Variants in ARHGEF11 observed in about 807,000 individuals in gnomAD.
The protein encoded by ARHGEF11 is Rho guanine exchange factor (GEF) 11.
ARHGEF11 carries 55 observed loss-of-function variants against 193.7 expected under a neutral mutation model. The observed-to-expected ratio is 0.28, with a 90% CI of 0.23 to 0.36. The LOEUF (loss-of-function observed/expected upper bound fraction) is 0.36. ARHGEF11 is among the 10% of genes least tolerant of loss of function. The pLI, the probability that ARHGEF11 is intolerant of heterozygous loss-of-function variation, is 1.00. For missense variants in ARHGEF11, 1,723 were observed against 2,005.6 expected (o/e 0.86, Z 2.69); for synonymous variants, 693 against 768.0 (o/e 0.90, Z 1.62).
chr1:157,046,373 C>T (rs138737536), upstream of ARHGEF11, among the ~76,000 whole-genome samples: 2,772 of 152,342 alleles, frequency 0.018, 41 homozygotes, highest in Middle Eastern at 0.034. Context: ...GCCCCGTGCC[C>T]CTGCCCACGG....
intron 1 of ARHGEF11, among the ~76,000 whole-genome samples, chr1:156,989,400 C>T (rs1665398584): frequency 1.3e-5 from 2 of 152,156 alleles, no homozygotes; most frequent in Admixed American, 1.3e-4. Context: ...CAGCACTCCA[C>T]CACCACAGAC....
intron 1 of ARHGEF11, among the ~76,000 whole-genome samples, chr1:157,036,384 C>T (rs1162043573): frequency 1.3e-5 from 2 of 151,622 alleles, no homozygotes; most frequent in African/African-American, 2.4e-5. Context: ...TGCAGGGGTG[C>T]GATCTCAGCT....
intron 1 of ARHGEF11, among the ~76,000 whole-genome samples, chr1:157,031,799 T>C (rs2103010942): frequency 6.6e-6 from 1 of 152,308 alleles, no homozygotes; most frequent in South Asian, 2.1e-4. Flanking sequence ...TGTGGACTCC[T>C]GCAAGGGTAG....
chr1:156,979,948 C>G (rs1663884255), intron 4 of ARHGEF11, among the ~76,000 whole-genome samples: 1 of 152,234 alleles, frequency 6.6e-6, no homozygotes, highest in Admixed American at 6.5e-5. Flanking sequence ...TAAGAAGTCT[C>G]TGCATCTAGG....
At chr1:156,971,658 T>C in intron 8 of ARHGEF11, 39 bp downstream of exon 8, 2 of 1,592,916 alleles carry the variant, frequency 1.3e-6, no homozygotes, top group Non-Finnish European at 1.7e-6. Flanking sequence ...CCAGTTCTAC[T>C]GCATGTGCCC....
upstream of ARHGEF11, among the ~76,000 whole-genome samples, chr1:157,046,841 C>CA (rs1208335468): frequency 3.3e-5 from 5 of 151,588 alleles, no homozygotes; most frequent in Admixed American, 6.6e-5. Context: ...GAAACCCCCC[C>CA]CCTCTACTAA....
chr1:156,968,268 A>AGGCAC, intron 10 of ARHGEF11, 144 bp from the exon 11 acceptor site: 1 of 874,856 alleles, frequency 1.1e-6, no homozygotes, highest in Non-Finnish European at 1.7e-6. Flanking sequence ...GTATTATACT[A>AGGCAC]AGCCCTTCAT....
At chr1:157,011,722 T>C (rs1288787140) in intron 1 of ARHGEF11, among the ~76,000 whole-genome samples, 2 of 152,296 alleles carry the variant, frequency 1.3e-5, no homozygotes, top group African/African-American at 4.8e-5. Context: ...TATATGCATA[T>C]GGAAGAGGCT....
At chr1:156,952,856 G>A (rs867839980) in intron 21 of ARHGEF11, among the ~76,000 whole-genome samples, 13 of 152,216 alleles carry the variant, frequency 8.5e-5, no homozygotes, top group African/African-American at 2.9e-4. Flanking sequence ...CAGCCTGAAC[G>A]TGCATCTGGG....
rs541860866 is a variant in ARHGEF11, at chr1:156,991,486, AT to A, written c.33-5314del. Among the ~76,000 whole-genome samples, 833 of 151,540 alleles carry A rather than the reference AT, an allele frequency of 5.5e-3. 4 individuals carry two copies. Among genetic ancestry groups the A allele is most frequent in the Middle Eastern group, 0.031 (9 of 294 alleles). On this transcript the variant is annotated intron_variant, in intron 1 of 40. Transcript: ENST00000368194. ...AGGCACACACCACCACGCCTGGCTA[AT>A]TTTCGTATTTTTTATAGAGATGGGG... is the stretch of plus-strand genomic sequence containing the variant.
chr1:156,935,049 A>G lies in ARHGEF11; in HGVS notation c.*951T>C, dbSNP rs548305270. On this transcript the variant is annotated 3_prime_UTR_variant, in exon 41 of 41. Transcript: ENST00000368194. ...GGGAGAGTTGGGTGAGGACGTGGTGATGGGGCCAATGCTGCGGTGGCCCCT... is the reference window on the plus strand; with the variant it reads ...GGGAGAGTTGGGTGAGGACGTGGTGGTGGGGCCAATGCTGCGGTGGCCCCT... The G allele has an allele frequency of 6.6e-6, 1 of 152,026 alleles. No individual in the cohort carries two copies. The highest frequency in any genetic ancestry group is 2.1e-4 in the South Asian group (1 of 4,790). The allele number at this position is 152,026 out of a possible 1,614,324, so 9.4% of individuals were successfully genotyped here.
chr1:157,038,547 C>T (rs543170739), intron 1 of ARHGEF11, among the ~76,000 whole-genome samples: 2 of 152,292 alleles, frequency 1.3e-5, no homozygotes, highest in South Asian at 4.1e-4. Context: ...ATGGAACCAT[C>T]CTCCAGAGAT....
At chr1:157,019,602 T>G (rs1022815893) in intron 1 of ARHGEF11, among the ~76,000 whole-genome samples, 1 of 152,222 alleles carries the variant, frequency 6.6e-6, no homozygotes, top group East Asian at 1.9e-4. Flanking sequence ...GCAGCTTTAT[T>G]TGTAGCAGCC....
chr1:156,942,532 G>A (rs1657238741), intron 33 of ARHGEF11, among the ~76,000 whole-genome samples, 158 bp downstream of exon 33: 1 of 152,230 alleles, frequency 6.6e-6, no homozygotes. Context: ...ACCCCTCCCA[G>A]CTTCTCTACT....
At chr1:157,007,598 T>A (rs371916990) in intron 1 of ARHGEF11, among the ~76,000 whole-genome samples, 1 of 151,980 alleles carries the variant, frequency 6.6e-6, no homozygotes, top group Non-Finnish European at 1.5e-5. Context: ...CAGAAGTGAG[T>A]TGTCAGCATC....
At chr1:156,968,954 G>A (rs1453114675) in intron 10 of ARHGEF11, among the ~76,000 whole-genome samples, 2 of 152,178 alleles carry the variant, frequency 1.3e-5, no homozygotes, top group African/African-American at 4.8e-5. Flanking sequence ...TATGTTTTTG[G>A]TCAAGTCACT....
chr1:156,995,686 T>C (rs1249246749), intron 1 of ARHGEF11, among the ~76,000 whole-genome samples: 1 of 150,198 alleles, frequency 6.7e-6, no homozygotes, highest in Non-Finnish European at 1.5e-5. Context: ...CTAAGCTCCC[T>C]GAGTAGCTGC....
At chr1:156,941,260 C>T (rs912518170) in intron 35 of ARHGEF11, 112 bp downstream of exon 35, 1 of 966,962 alleles carries the variant, frequency 1.0e-6, no homozygotes, top group East Asian at 2.5e-5. Flanking sequence ...TTTATCAAAA[C>T]CTCACACCCC....
At chr1:156,985,903 T>C (rs1355477128) in intron 2 of ARHGEF11, 179 bp downstream of exon 2, 2 of 534,694 alleles carry the variant, frequency 3.7e-6, no homozygotes, top group South Asian at 2.2e-5. Flanking sequence ...AGTTCCCTGC[T>C]CCTGGGAGGT....
Sources: allele counts gnomAD v4.1 joint callset (sites outside exome capture counted in the v4.1 genomes callset), GRCh38; gene constraint gnomAD v4.1.1; transcripts MANE v1.5; gene names NCBI Gene and HGNC (gene_info 2026-07-23, HGNC 2026-07-21).